Variants in AMT observed in about 807,000 individuals in gnomAD.
The protein encoded by AMT is aminomethyltransferase, mitochondrial.
A neutral mutation model predicts 39.5 loss-of-function variants in AMT; 24 were observed. The observed-to-expected ratio is 0.61, with a 90% CI of 0.44 to 0.86. AMT has a LOEUF of 0.86. AMT is among the 40% of genes least tolerant of loss of function. The pLI is 0.00. For missense variants in AMT, 501 were observed against 537.0 expected (o/e 0.93, Z 0.66); for synonymous variants, 210 against 212.1 (o/e 0.99, Z 0.09).
intron 2 of AMT, 172 bp downstream of exon 2, chr3:49,421,924 GAGACCCTC>G (rs2049109439): frequency 2.3e-6 from 2 of 864,006 alleles, no homozygotes; most frequent in Non-Finnish European, 3.8e-6. Context: ...ATGAGATGAT[GAGACCCTC>G]TGAGCTCATT....
chr3:49,422,078 A>G (rs1172498518), intron 2 of AMT, 26 bp downstream of exon 2: 4 of 1,613,178 alleles, frequency 2.5e-6, no homozygotes, highest in Non-Finnish European at 3.4e-6. Context: ...GCCTGATCAG[A>G]TGGCCAGTGT....
intron 4 of AMT, 193 bp from the exon 5 acceptor site, chr3:49,419,981 T>C (rs2049071730): frequency 1.3e-6 from 1 of 779,332 alleles, no homozygotes; most frequent in Admixed American, 2.1e-5. Context: ...CAAGCCCAGT[T>C]CTGCCACCTC....
At chr3:49,418,047 C>G in intron 7 of AMT, 74 bp from the exon 8 acceptor site, 1 of 1,515,516 alleles carries the variant, frequency 6.6e-7, no homozygotes. Context: ...ATGAGGTCCT[C>G]AAGTAACACA....
Position 49,417,229 on chromosome 3 carries a change from C to G in AMT, c.*311G>C, listed in dbSNP as rs752247362. 74 of 1,560,016 alleles carry G rather than the reference C, an allele frequency of 4.7e-5. No homozygotes were observed. Among genetic ancestry groups the G allele is most frequent in the Non-Finnish European group, 9.6e-6 (11 of 1,145,458 alleles). On this transcript the variant is annotated 3_prime_UTR_variant, in exon 9 of 9. Transcript: ENST00000273588. The stretch of plus-strand genomic sequence containing the variant: ...GTGAGCCTTTGCTCCACAGCCAGCA[C>G]CTGGCAGAGTGGGAGAGATGGCAGA...
intron 2 of AMT, 95 bp from the exon 3 acceptor site, chr3:49,421,667 G>A (rs2049104450): frequency 2.6e-6 from 3 of 1,151,004 alleles, no homozygotes; most frequent in Non-Finnish European, 3.9e-6. Flanking sequence ...CCACAGTGCA[G>A]TCCAGCCCAC....
rs568348276 is a variant in AMT at position 49,422,364 on chromosome 3, T to C, written c.87A>G (p.Ala29=). Residue 29 remains alanine, a synonymous_variant, in exon 1 of 9, where the codon GCA becomes GCG. Transcript: ENST00000273588. ...AGATCAGCACCCTCTATCCCACCTGTGCGCAACTAAGTGGACGACACAAGG... is the reference window on the plus strand; with the variant it reads ...AGATCAGCACCCTCTATCCCACCTGCGCGCAACTAAGTGGACGACACAAGG... ...PPALCRPLSC[A]QEVLRRTPLY... is the part of the protein sequence containing the mutation. 2.5e-6 allele frequency: 4 copies of C among 1,610,478 alleles called. No homozygotes were observed. In the African/African-American group the frequency reaches 5.4e-5, roughly 22 times the overall value.
intron 7 of AMT, 176 bp from the exon 8 acceptor site, chr3:49,418,149 G>A (rs1278503507): frequency 6.8e-6 from 5 of 740,376 alleles, no homozygotes; most frequent in Middle Eastern, 3.8e-4. Context: ...CCTATCCCCT[G>A]GAGGCCATGC....
intron 2 of AMT, 37 bp from the exon 3 acceptor site, chr3:49,421,609 A>G: frequency 6.3e-7 from 1 of 1,576,610 alleles, no homozygotes; most frequent in Non-Finnish European, 8.7e-7. Flanking sequence ...CCATTGCAAC[A>G]GCTACAATCC....
In AMT at chr3:49,417,861, C is replaced by T; in HGVS notation, c.990G>A (p.Met330Ile). The T allele has an allele frequency of 6.2e-7, 1 of 1,614,086 alleles. No individual in the cohort carries two copies. The highest frequency in any genetic ancestry group is 1.1e-5 in the South Asian group (1 of 91,090). Residue 330 changes from methionine (M) to isoleucine (I), a missense_variant, in exon 8 of 9, where the codon ATG becomes ATA. Physicochemically the swap from Met to Ile is conservative, Grantham distance 10. Coordinates refer to ENST00000273588, the MANE Select transcript of AMT (RefSeq NM_000481.4). ...RVGLMCEGAP[M>I]RAHSPILNME... ...TGTTCAGGATGGGACTGTGTGCCCGCATGGGGGCCCCCTCACACATCAACC... is the reference window on the plus strand; with the variant it reads ...TGTTCAGGATGGGACTGTGTGCCCGTATGGGGGCCCCCTCACACATCAACC...
Position 49,420,719 on chromosome 3 carries a change from G to GAGCAGC in AMT, c.340-378_340-377insGCTGCT, listed in dbSNP as rs2107934536. 9.1e-6 allele frequency: 3 copies of GAGCAGC among 330,750 alleles called. No individual in the cohort carries two copies. The East Asian group carries it at 2.2e-4, about 24-fold the overall frequency. 20.5% of individuals were successfully genotyped at this position (330,750 alleles called of 1,614,324 possible). A position where few individuals can be genotyped will look rare whatever the true frequency, so the allele number is the denominator to read the frequency against. ...GGACAAAAGCTTCAAAGGTCATCTT[G>GAGCAGC]ATGATCGCAGGCTCTCCTAAGTACT... On this transcript the variant is annotated intron_variant, in intron 3 of 8. Coordinates refer to ENST00000273588, the MANE Select transcript of AMT (RefSeq NM_000481.4).
rs141324034 is a variant in AMT, at chr3:49,419,098, G to A, written c.750C>T (p.Asn250=). The A allele has an allele frequency of 1.1e-5, 17 of 1,613,844 alleles. No individual in the cohort carries two copies. The highest frequency in any genetic ancestry group is 2.2e-5 in the South Asian group (2 of 91,064). The change falls in exon 7 of 9, where the codon AAC becomes AAT. Residue 250 remains asparagine (N), a synonymous_variant. Transcript: ENST00000273588. ...AVHLATAILK[N]PEVKLAGLAA... is the part of the protein sequence containing the mutation. ...CCAGCCCTGCCAGCTTCACCTCTGG[G>A]TTTTTCAGAATAGCTGTTGCCAGGT...
chr3:49,422,210 GCCA>G lies in AMT; in HGVS notation c.149_151del (p.Val50del). ...CACTGGCAGACTCCAACCCGCAAACGCCACCATTTTCCCGCCGTGGGCCAGGTG... is the reference window on the plus strand; with the variant it reads ...CACTGGCAGACTCCAACCCGCAAACGCCATTTTCCCGCCGTGGGCCAGGTG... On this transcript the variant is annotated inframe_deletion, in exon 2 of 9. Transcript: ENST00000273588. 1.5e-5 allele frequency: 24 copies of G among 1,614,012 alleles called. No homozygotes were observed. The highest frequency in any genetic ancestry group is 1.9e-5 in the Non-Finnish European group (23 of 1,180,026).
chr3:49,419,555 G>T, intron 5 of AMT, 150 bp from the exon 6 acceptor site: 2 of 1,457,902 alleles, frequency 1.4e-6, no homozygotes, highest in Non-Finnish European at 1.9e-6. Context: ...ATGGAGCCTT[G>T]TGGTAGGTAG....
Position 49,420,307 on chromosome 3 carries a change from G to T in AMT, c.375C>A (p.Gly125=). 2 of 1,614,160 alleles carry T rather than the reference G, an allele frequency of 1.2e-6. No individual in the cohort carries two copies. Among genetic ancestry groups the T allele is most frequent in the East Asian group, 2.2e-5 (1 of 44,888 alleles). Residue 125 remains glycine, a synonymous_variant, in exon 4 of 9, where the codon GGC becomes GGA. Transcript: ENST00000273588. ...TLSLFTNEAG[G]ILDDLIVTNT... ...TGGTTACAATCAAGTCATCTAAGATGCCTCCAGCCTCGTTGGTAAACAGCG... is the reference window on the plus strand; with the variant it reads ...TGGTTACAATCAAGTCATCTAAGATTCCTCCAGCCTCGTTGGTAAACAGCG...
rs2049107738 is a variant in AMT, at chr3:49,421,840, A to G, written c.258+264T>C. On this transcript the variant is annotated intron_variant, in intron 2 of 8. Transcript: ENST00000273588. ...TTTTCAAACCAACATCCAGCCCAATACATGAGAGTGGGTGTCAGCCCTGGA... is the reference window on the plus strand; with the variant it reads ...TTTTCAAACCAACATCCAGCCCAATGCATGAGAGTGGGTGTCAGCCCTGGA... The G allele has an allele frequency of 1.6e-5, 11 of 689,898 alleles. No individual in the cohort carries two copies. The Admixed American group carries it at 2.3e-4, about 14-fold the overall frequency. 42.7% of individuals were successfully genotyped at this position (689,898 alleles called of 1,614,324 possible).
At chr3:49,421,354 A>G (rs1028377961) in intron 3 of AMT, 138 bp downstream of exon 3, 4 of 726,422 alleles carry the variant, frequency 5.5e-6, no homozygotes, top group Non-Finnish European at 9.9e-6. Flanking sequence ...GAAATGACTC[A>G]GGGATTCTGT....
rs747298727 is a variant in AMT, at chr3:49,419,289, A to G, written c.667T>C (p.Cys223Arg). ...FGVSGCRVTR[C>R]GYTGEDGVEI... ...ACACCATCCTCTCCTGTGTAGCCAC[A>G]GCGGGTCACGCGGCAGCCAGACACG... Residue 223 changes from cysteine to arginine, a missense_variant, in exon 6 of 9, where the codon TGT (cysteine) becomes CGT (arginine). Transcript: ENST00000273588. The G allele has an allele frequency of 1.2e-6, 2 of 1,614,028 alleles. No individual in the cohort carries two copies. Among genetic ancestry groups the G allele is most frequent in the Admixed American group, 1.7e-5 (1 of 60,004 alleles).
intron 7 of AMT, 151 bp from the exon 8 acceptor site, chr3:49,418,124 G>A: frequency 1.0e-6 from 1 of 960,402 alleles, no homozygotes; most frequent in Non-Finnish European, 1.6e-6. Context: ...ACTGCCGTCA[G>A]CCAACCAACC....
Position 49,417,479 on chromosome 3 carries a change from C to G in AMT, c.*61G>C. The G allele has an allele frequency of 1.2e-6, 2 of 1,614,100 alleles. No individual in the cohort carries two copies. The highest frequency in any genetic ancestry group is 8.5e-7 in the Non-Finnish European group (1 of 1,180,024). On this transcript the variant is annotated 3_prime_UTR_variant, in exon 9 of 9. Transcript: ENST00000273588. ...CCCCCAGTGAGTTCTGCCTCAGCTTCTTGACTAACCCCTTGTAGGGGCAAA... is the reference window on the plus strand; with the variant it reads ...CCCCCAGTGAGTTCTGCCTCAGCTTGTTGACTAACCCCTTGTAGGGGCAAA...
Sources: gnomAD v4.1 joint callset for allele counts on GRCh38, gnomAD v4.1.1 for gene constraint, MANE v1.5 for transcripts, NCBI Gene and HGNC (gene_info 2026-07-23, HGNC 2026-07-21) for gene names.